Variants in MAML3 observed in about 807,000 individuals in gnomAD.
The protein encoded by MAML3 is mastermind like transcriptional coactivator 3.
Under a neutral mutation model 101.9 loss-of-function variants are expected in MAML3, and 27 were observed. The ratio of observed to expected loss-of-function variants is 0.27; its 90% CI spans 0.20 to 0.37. The LOEUF is 0.37. Among genes scored for constraint, MAML3 ranks in the 10% least tolerant of loss-of-function variants. The probability of loss-of-function intolerance (pLI) is 1.00; values close to 1 mark genes in which losing one functional copy is unlikely to be tolerated. For synonymous variants in MAML3, 501 were observed against 555.9 expected (o/e 0.90, Z 1.39); for missense variants, 1,316 against 1,444.9 (o/e 0.91, Z 1.45).
At chr4:139,936,019 G>A (rs377258971) in intron 1 of MAML3, among the ~76,000 whole-genome samples, 1 of 151,910 alleles carries the variant, frequency 6.6e-6, no homozygotes. Flanking sequence ...TGTACCCTTC[G>A]ACCAACATCT....
At chr4:139,928,263 T>C (rs374668910) in intron 1 of MAML3, among the ~76,000 whole-genome samples, 1 of 152,342 alleles carries the variant, frequency 6.6e-6, no homozygotes, top group East Asian at 1.9e-4. Context: ...AACTCATTCA[T>C]GGATTGATTT....
chr4:139,804,347 A>C (rs1370762702), intron 2 of MAML3, among the ~76,000 whole-genome samples: 1 of 151,730 alleles, frequency 6.6e-6, no homozygotes, highest in Admixed American at 6.6e-5. Flanking sequence ...ACTCACTGCA[A>C]CCTCCGCCTC....
chr4:140,024,187 C>A (rs1371144189), intron 1 of MAML3, among the ~76,000 whole-genome samples: 1 of 151,454 alleles, frequency 6.6e-6, no homozygotes, highest in East Asian at 1.9e-4. Flanking sequence ...AGGTCACATA[C>A]CAGTAGTAAG....
chr4:139,752,163 A>G (rs1346744731), intron 2 of MAML3, among the ~76,000 whole-genome samples: 2 of 152,172 alleles, frequency 1.3e-5, no homozygotes. Flanking sequence ...AATAATTCCT[A>G]TTTCATTAGC....
chr4:140,029,949 C>T (rs1726881831), intron 1 of MAML3, among the ~76,000 whole-genome samples: 1 of 152,030 alleles, frequency 6.6e-6, no homozygotes, highest in African/African-American at 2.4e-5. Context: ...GGGTTTTTTC[C>T]CTCCTCTGTC....
At chr4:140,139,526 T>TAAC (rs1192729444) in intron 1 of MAML3, among the ~76,000 whole-genome samples, 1 of 152,068 alleles carries the variant, frequency 6.6e-6, no homozygotes, top group Non-Finnish European at 1.5e-5. Flanking sequence ...CCCTATCTCT[T>TAAC]AACAACAACA....
intron 1 of MAML3, among the ~76,000 whole-genome samples, chr4:140,087,350 T>G (rs2110976730): frequency 6.6e-6 from 1 of 152,334 alleles, no homozygotes; most frequent in African/African-American, 2.4e-5. Context: ...CTAAAGACAT[T>G]TTTGTCTTAC....
At chr4:139,722,948 C>T (rs144425304) in intron 4 of MAML3, among the ~76,000 whole-genome samples, 2 of 152,282 alleles carry the variant, frequency 1.3e-5, no homozygotes, top group East Asian at 3.9e-4. Context: ...TAAAATGTCA[C>T]ACTGGCTTTA....
intron 2 of MAML3, among the ~76,000 whole-genome samples, chr4:139,837,482 A>T (rs750899492): frequency 9.2e-5 from 14 of 152,108 alleles, no homozygotes; most frequent in Non-Finnish European, 1.5e-4. Flanking sequence ...TGGGTGACAC[A>T]GCAAGACTCC....
In MAML3 at chr4:140,122,220, C is replaced by CTTTTTTTTTTT. The variant is rs369602172; in HGVS notation, c.468+30629_468+30639dup. Among the ~76,000 whole-genome samples the CTTTTTTTTTTT allele has an allele frequency of 6.4e-5, 8 of 124,614 alleles. 4 individuals are homozygous for CTTTTTTTTTTT. Among genetic ancestry groups the CTTTTTTTTTTT allele is most frequent in the Non-Finnish European group, 6.5e-5 (4 of 61,320 alleles). The allele number at this position is 124,614 out of a possible 152,430, so 81.8% of individuals were successfully genotyped here. On this transcript the variant is annotated intron_variant, in intron 1 of 4. Transcript: ENST00000509479. ...TTCTCACAGGAATAATCAAACGAGACTTTTTTTTTTTTTTTTTTTAAACAG... is the reference window on the plus strand; with the variant it reads ...TTCTCACAGGAATAATCAAACGAGACTTTTTTTTTTTTTTTTTTTTTTTTTTTTTTAAACAG...
At chr4:139,869,950 T>C (rs928690485) in intron 2 of MAML3, among the ~76,000 whole-genome samples, 3 of 152,248 alleles carry the variant, frequency 2.0e-5, no homozygotes, top group Admixed American at 6.5e-5. Flanking sequence ...GAGCTCAGGT[T>C]TGGATTCAAA....
At chr4:140,031,366 T>A (rs1330213103) in intron 1 of MAML3, among the ~76,000 whole-genome samples, 1 of 152,186 alleles carries the variant, frequency 6.6e-6, no homozygotes, top group Non-Finnish European at 1.5e-5. Flanking sequence ...ATAGAAAGAA[T>A]AAATATTTAA....
intron 1 of MAML3, among the ~76,000 whole-genome samples, chr4:140,074,838 A>C (rs1727742131): frequency 1.3e-5 from 2 of 152,342 alleles, no homozygotes; most frequent in African/African-American, 4.8e-5. Context: ...CAATGTACAC[A>C]AACTTTGTTT....
Position 139,719,477 on chromosome 4 carries a change from G to A in MAML3, c.3263C>T (p.Ala1088Val), listed in dbSNP as rs1728138428. Residue 1088 changes from alanine (A) to valine (V), a missense_variant, in exon 5 of 5, where the codon GCC becomes GTC. Transcript: ENST00000509479. ...SSQSQAYERN[A>V]PQDVSYNYSG... Reference sequence around the variant, plus strand: ...GTAATTGTATGACACGTCCTGAGGGGCATTCCGCTCATAGGCTTGGCTCTG... The same window carrying A: ...GTAATTGTATGACACGTCCTGAGGGACATTCCGCTCATAGGCTTGGCTCTG... The A allele has an allele frequency of 6.2e-7, 1 of 1,614,030 alleles. No homozygotes were observed. Among genetic ancestry groups the A allele is most frequent in the Non-Finnish European group, 8.5e-7 (1 of 1,179,894 alleles).
intron 2 of MAML3, among the ~76,000 whole-genome samples, chr4:139,856,951 G>A (rs902139431): frequency 1.3e-5 from 2 of 152,102 alleles, no homozygotes; most frequent in South Asian, 2.1e-4. Context: ...TTAATTGTAG[G>A]AGTAAAAAAA....
chr4:139,961,298 G>C lies in MAML3; in HGVS notation c.469-70331C>G, dbSNP rs949924658. ...TGTTAAGAGTTTGAACTCCTTCGAG[G>C]AATTCAATGATTACTAAATAGAGAA... is the stretch of plus-strand genomic sequence containing the variant. On this transcript the variant is annotated intron_variant, in intron 1 of 4. Coordinates refer to ENST00000509479, the MANE Select transcript of MAML3 (RefSeq NM_018717.5). Among the ~76,000 whole-genome samples the C allele has an allele frequency of 5.4e-4, 83 of 152,334 alleles. No individual in the cohort carries two copies. The Middle Eastern group carries it at 0.017, about 31-fold the overall frequency.
chr4:139,844,949 T>A (rs1731416834), intron 2 of MAML3, among the ~76,000 whole-genome samples: 1 of 152,200 alleles, frequency 6.6e-6, no homozygotes, highest in South Asian at 2.1e-4. Context: ...AATATGGTTT[T>A]TCTCCTGGAA....
Position 139,890,188 on chromosome 4 carries a change from C to T in MAML3, c.1248G>A (p.Gln416=), listed in dbSNP as rs1732444137. The T allele has an allele frequency of 6.2e-7, 1 of 1,613,358 alleles. No homozygotes were observed. Among genetic ancestry groups the T allele is most frequent in the East Asian group, 2.2e-5 (1 of 44,878 alleles). Reference sequence around the variant, plus strand: ...GGGCTTGGTTTGGAGTTTGAGGGGACTGGACAGCACAGTTTGCTGGTGAGC... The same window carrying T: ...GGGCTTGGTTTGGAGTTTGAGGGGATTGGACAGCACAGTTTGCTGGTGAGC... ...PASSPANCAV[Q]SPQTPNQAHT... The change falls in exon 2 of 5, where the codon CAG becomes CAA. Residue 416 remains glutamine (Q), a synonymous_variant. Coordinates refer to ENST00000509479, the MANE Select transcript of MAML3 (RefSeq NM_018717.5). This position sits in a 1 kb window ranked among gnomAD's most constrained non-coding sequence, Gnocchi z 4.1.
intron 1 of MAML3, among the ~76,000 whole-genome samples, chr4:139,926,230 A>G (rs1462867054): frequency 6.6e-6 from 1 of 152,220 alleles, no homozygotes; most frequent in African/African-American, 2.4e-5. Context: ...GAAGTCATGT[A>G]TAGAAAGAAT....
Sources: allele counts gnomAD v4.1 joint callset (sites outside exome capture counted in the v4.1 genomes callset), GRCh38; gene constraint gnomAD v4.1.1; non-coding constraint Gnocchi (gnomAD v3.1); transcripts MANE v1.5; gene names NCBI Gene and HGNC (gene_info 2026-07-23, HGNC 2026-07-21).